SRRM1: variants seen among roughly 807,000 people sequenced by gnomAD.
SRRM1 encodes the protein serine/arginine repetitive matrix protein 1.
A neutral mutation model predicts 110.2 loss-of-function variants in SRRM1; 19 were observed. The ratio of observed to expected loss-of-function variants is 0.17; its 90% confidence interval spans 0.12 to 0.25. The LOEUF (loss-of-function observed/expected upper bound fraction) is 0.25, where lower values mean the gene tolerates loss of function less well. SRRM1 is among the 10% of genes least tolerant of loss of function. The pLI, the probability that SRRM1 is intolerant of heterozygous loss-of-function variation, is 1.00. For synonymous variants in SRRM1, 443 were observed against 414.9 expected (o/e 1.07, Z -0.82); for missense variants, 918 against 1,145.8 (o/e 0.80, Z 2.87).
chr1:24,657,507 C>T (rs1009146939), intron 9 of SRRM1, among the ~76,000 whole-genome samples: 3 of 152,132 alleles, frequency 2.0e-5, no homozygotes, highest in Non-Finnish European at 4.4e-5. Context: ...GTTTCTGCTG[C>T]TTAGAACAGT....
chr1:24,643,387 T>A, intron 1 of SRRM1, 40 bp downstream of exon 1: 1 of 1,529,892 alleles, frequency 6.5e-7, no homozygotes, highest in Non-Finnish European at 8.7e-7. Context: ...GGCCAGGGAC[T>A]TCTCGGTAAG....
chr1:24,666,672 G>A (rs1226987101), intron 12 of SRRM1, 143 bp from the exon 13 acceptor site: 2 of 601,686 alleles, frequency 3.3e-6, no homozygotes, highest in East Asian at 3.2e-5. Flanking sequence ...GGCTGAGGGG[G>A]GAGAATTGCT....
chr1:24,664,059 G>A (rs1421244853), intron 12 of SRRM1, among the ~76,000 whole-genome samples: 2 of 142,372 alleles, frequency 1.4e-5, no homozygotes, highest in Admixed American at 7.3e-5. Context: ...GCATTGGTGC[G>A]ACCTCGGCTC....
chr1:24,667,316 G>A (rs534714541), intron 13 of SRRM1, among the ~76,000 whole-genome samples: 187 of 152,228 alleles, frequency 1.2e-3, no homozygotes, highest in Middle Eastern at 3.4e-3. Flanking sequence ...GACCTTAAAT[G>A]GGTAAATAGG....
rs1242511659 is a variant in SRRM1, at chr1:24,673,192, T to TG, written c.*906_*907insG. ...TTCACTGTTTTTGTTTTGATTTTTTTTTTGTTTTGATTTTTTTTAAACTAA... is the reference window on the plus strand; with the variant it reads ...TTCACTGTTTTTGTTTTGATTTTTTTGTTTGTTTTGATTTTTTTTAAACTAA... On this transcript the variant is annotated 3_prime_UTR_variant, in exon 17 of 17. Coordinates refer to ENST00000323848, the MANE Select transcript of SRRM1 (RefSeq NM_005839.4). 2 of 138,702 alleles carry TG rather than the reference T, an allele frequency of 1.4e-5. No individual in the cohort carries two copies. Among genetic ancestry groups the TG allele is most frequent in the Non-Finnish European group, 3.3e-5 (2 of 61,440 alleles). The allele number at this position is 138,702 out of a possible 1,614,324, so 8.6% of individuals were successfully genotyped here. A position where few individuals can be genotyped will look rare whatever the true frequency, so the allele number is the denominator to read the frequency against.
chr1:24,671,790 C>T (rs1004578970), intron 16 of SRRM1, among the ~76,000 whole-genome samples, 195 bp downstream of exon 16: 1 of 151,598 alleles, frequency 6.6e-6, no homozygotes, highest in African/African-American at 2.4e-5. Flanking sequence ...TGCAGCGATC[C>T]CCACACTTTT....
At chr1:24,645,303 GA>G (rs781339316) in intron 1 of SRRM1, among the ~76,000 whole-genome samples, 1 of 152,160 alleles carries the variant, frequency 6.6e-6, no homozygotes, top group Non-Finnish European at 1.5e-5. Context: ...CCAACTCAGT[GA>G]ACCAATCAGT....
chr1:24,654,216 C>T (rs2148414520), intron 8 of SRRM1: 1 of 1,030,636 alleles, frequency 9.7e-7, no homozygotes, highest in East Asian at 5.9e-5. Flanking sequence ...GCTTACTCAG[C>T]CATTTAGCAG....
chr1:24,659,119 G>A (rs530787857), intron 9 of SRRM1, among the ~76,000 whole-genome samples: 2 of 152,076 alleles, frequency 1.3e-5, no homozygotes, highest in South Asian at 2.1e-4. Flanking sequence ...CCTTGAACCC[G>A]GGAGGCGGAG....
intron 9 of SRRM1, among the ~76,000 whole-genome samples, chr1:24,657,709 T>C (rs1664955902): frequency 1.3e-5 from 2 of 152,172 alleles, no homozygotes; most frequent in Non-Finnish European, 2.9e-5. Flanking sequence ...AGGGGAAACA[T>C]TTGTAATTAC....
chr1:24,670,192 A>G lies in SRRM1; in HGVS notation c.2277A>G (p.Pro759=). The G allele has an allele frequency of 6.2e-7, 1 of 1,614,112 alleles. No individual in the cohort carries two copies. The highest frequency in any genetic ancestry group is 2.2e-5 in the East Asian group (1 of 44,878). The change falls in exon 15 of 17, where the codon CCA becomes CCG. Residue 759 remains proline, a synonymous_variant. Coordinates refer to ENST00000323848, the MANE Select transcript of SRRM1 (RefSeq NM_005839.4). The part of the protein sequence containing the change: ...SSRSVSGSPE[P]AAKKPPAPPS... Reference sequence around the variant, plus strand: ...GATCTGTCTCCGGGTCTCCTGAGCCAGCAGCTAAAAAGCCCCCAGCACCTC... The same window carrying G: ...GATCTGTCTCCGGGTCTCCTGAGCCGGCAGCTAAAAAGCCCCCAGCACCTC...
chr1:24,669,400 G>C lies in SRRM1; in HGVS notation c.2017G>C (p.Ala673Pro), dbSNP rs1419132510. 6.2e-7 allele frequency: 1 copy of C among 1,614,036 alleles called. No individual in the cohort carries two copies. The highest frequency in any genetic ancestry group is 1.6e-4 in the Middle Eastern group (1 of 6,062). Residue 673 changes from alanine to proline, a missense_variant, in exon 14 of 17, where the codon GCC becomes CCC. Physicochemically the swap from Ala to Pro is conservative, Grantham distance 27. Transcript: ENST00000323848. Reference sequence around the variant, plus strand: ...TTCCCCAAGCCGCTCTACCCGGGAGGCCCGATCACCACAACCAAACAAACG... The same window carrying C: ...TTCCCCAAGCCGCTCTACCCGGGAGCCCCGATCACCACAACCAAACAAACG... ...GSSPSRSTRE[A>P]RSPQPNKRHS...
At chr1:24,665,155 G>T (rs189038338) in intron 12 of SRRM1, among the ~76,000 whole-genome samples, 21 of 152,138 alleles carry the variant, frequency 1.4e-4, no homozygotes, top group Non-Finnish European at 2.9e-4. Context: ...GGCCGGGTGC[G>T]GTGGCTCATG....
chr1:24,655,338 T>C (rs1159258845), intron 9 of SRRM1, among the ~76,000 whole-genome samples: 1 of 152,196 alleles, frequency 6.6e-6, no homozygotes, highest in Non-Finnish European at 1.5e-5. Context: ...TTTTTAGCAA[T>C]GCCCTGTGGC....
chr1:24,663,178 C>G, intron 12 of SRRM1: 1 of 1,513,786 alleles, frequency 6.6e-7, no homozygotes, highest in Non-Finnish European at 8.9e-7. Context: ...CTCCACTGCT[C>G]TCAGGATGCA....
rs1673391537 is a variant in SRRM1 at position 24,673,146 on chromosome 1, ACTTT to A, written c.*861_*864del. On this transcript the variant is annotated 3_prime_UTR_variant, in exon 17 of 17. Coordinates refer to ENST00000323848, the MANE Select transcript of SRRM1 (RefSeq NM_005839.4). The stretch of plus-strand genomic sequence containing the variant: ...TATTTGGAAGGCTGGAAGGGCCCAG[ACTTT>A]GGAATAGTGTCTTGGTTTCACTGTT... 1 of 150,726 alleles carries A rather than the reference ACTTT, an allele frequency of 6.6e-6. No homozygotes were observed. Among genetic ancestry groups the A allele is most frequent in the Non-Finnish European group, 1.5e-5 (1 of 67,810 alleles). The allele number at this position is 150,726 out of a possible 1,614,324, so 9.3% of individuals were successfully genotyped here.
chr1:24,663,911 T>TA (rs1368616764), intron 12 of SRRM1, among the ~76,000 whole-genome samples: 3 of 122,694 alleles, frequency 2.4e-5, no homozygotes, highest in South Asian at 5.0e-4. Context: ...ATAATAATAA[T>TA]AATAAATAAA....
Position 24,666,742 on chromosome 1 carries a change from G to A in SRRM1, c.1629-73G>A, listed in dbSNP as rs113537726. 1.4e-4 allele frequency: 169 copies of A among 1,223,250 alleles called. No individual in the cohort carries two copies. In the African/African-American group the frequency reaches 2.3e-3, roughly 16 times the overall value. The allele number at this position is 1,223,250 out of a possible 1,614,324, so 75.8% of individuals were successfully genotyped here. On this transcript the variant is annotated intron_variant, in intron 12 of 16. Coordinates refer to ENST00000323848, the MANE Select transcript of SRRM1 (RefSeq NM_005839.4). ...ATCATGCCATTGCACTCCAGCCTGG[G>A]CGACAGAGTGAGACGCCATCACACA...
At chr1:24,667,342 G>A (rs550509311) in intron 13 of SRRM1, among the ~76,000 whole-genome samples, 1 of 152,260 alleles carries the variant, frequency 6.6e-6, no homozygotes, top group African/African-American at 2.4e-5. Flanking sequence ...TTTATAGCAG[G>A]TGAATCATGT....
Sources: allele counts gnomAD v4.1 joint callset (sites outside exome capture counted in the v4.1 genomes callset), GRCh38; gene constraint gnomAD v4.1.1; transcripts MANE v1.5; gene names NCBI Gene and HGNC (gene_info 2026-07-23, HGNC 2026-07-21).